Variants in CNTNAP2 observed in about 807,000 individuals in gnomAD.
The protein encoded by CNTNAP2 is contactin-associated protein-like 2.
CNTNAP2 carries 98 observed loss-of-function variants against 155.2 expected under a neutral mutation model. The observed-to-expected ratio is 0.63, with a 90% CI of 0.54 to 0.75. The LOEUF (loss-of-function observed/expected upper bound fraction) is 0.75. Ranked by LOEUF, CNTNAP2 falls within the 30% of genes least tolerant of loss-of-function variation. The pLI, the probability that CNTNAP2 is intolerant of heterozygous loss-of-function variation, is 0.00. For synonymous variants in CNTNAP2, 651 were observed against 631.2 expected (o/e 1.03, Z -0.47); for missense variants, 1,727 against 1,688.1 (o/e 1.02, Z -0.40).
chr7:147,705,061 T>C (rs1272613376), intron 13 of CNTNAP2, among the ~76,000 whole-genome samples: 1 of 152,104 alleles, frequency 6.6e-6, no homozygotes, highest in African/African-American at 2.4e-5. Context: ...CTGTTTCGTT[T>C]AGTTCTACTC....
At chr7:146,793,683 G>A (rs1021745315) in intron 2 of CNTNAP2, among the ~76,000 whole-genome samples, 6 of 152,222 alleles carry the variant, frequency 3.9e-5, no homozygotes, top group African/African-American at 1.4e-4. Flanking sequence ...GGTTCCCCCT[G>A]GGTGTCTGAA....
At chr7:148,055,550 A>G (rs1173227504) in intron 15 of CNTNAP2, among the ~76,000 whole-genome samples, 1 of 152,212 alleles carries the variant, frequency 6.6e-6, no homozygotes, top group Non-Finnish European at 1.5e-5. Flanking sequence ...TGGGACAATG[A>G]TAGCCCTTCT....
At chr7:147,386,275 C>T (rs558931415) in intron 9 of CNTNAP2, among the ~76,000 whole-genome samples, 6 of 152,286 alleles carry the variant, frequency 3.9e-5, no homozygotes, top group Admixed American at 3.9e-4. Context: ...TGATGATTAA[C>T]ATTTGGATCC....
At chr7:147,523,188 C>G (rs1307312717) in intron 11 of CNTNAP2, among the ~76,000 whole-genome samples, 1 of 152,128 alleles carries the variant, frequency 6.6e-6, no homozygotes, top group African/African-American at 2.4e-5. Flanking sequence ...ATGCTGCTGG[C>G]AAGTCTCAGC....
intron 3 of CNTNAP2, among the ~76,000 whole-genome samples, chr7:147,019,100 T>C (rs1435379726): frequency 1.3e-5 from 2 of 152,080 alleles, no homozygotes; most frequent in Non-Finnish European, 2.9e-5. Context: ...GTTGTTTTAG[T>C]AATCCCTACA....
chr7:147,781,850 C>T (rs1437090244), intron 13 of CNTNAP2, among the ~76,000 whole-genome samples: 1 of 151,936 alleles, frequency 6.6e-6, no homozygotes. Flanking sequence ...GGTGAAACCC[C>T]GTCTCTACTA....
At chr7:147,783,421 T>C (rs1394524453) in intron 13 of CNTNAP2, among the ~76,000 whole-genome samples, 1 of 152,196 alleles carries the variant, frequency 6.6e-6, no homozygotes. Flanking sequence ...CCCAAGCCTC[T>C]GGGCTGTTTG....
intron 1 of CNTNAP2, among the ~76,000 whole-genome samples, chr7:146,439,707 C>T (rs530129174): frequency 2.0e-5 from 3 of 151,544 alleles, no homozygotes; most frequent in East Asian, 1.9e-4. Context: ...TGACTCTTGT[C>T]GTAGTCACAA....
chr7:148,228,485 A>G (rs1795898645), intron 19 of CNTNAP2, among the ~76,000 whole-genome samples: 1 of 152,168 alleles, frequency 6.6e-6, no homozygotes, highest in Non-Finnish European at 1.5e-5. Context: ...CTAAAATAAA[A>G]TTTATTACTT....
At chr7:147,264,637 C>A (rs897170503) in intron 8 of CNTNAP2, among the ~76,000 whole-genome samples, 1 of 150,170 alleles carries the variant, frequency 6.7e-6, no homozygotes, top group Non-Finnish European at 1.5e-5. Context: ...AGATGCCTGA[C>A]GGGGCCAGCC....
intron 13 of CNTNAP2, among the ~76,000 whole-genome samples, chr7:147,840,558 G>T (rs1347907408): frequency 6.6e-6 from 1 of 152,154 alleles, no homozygotes; most frequent in African/African-American, 2.4e-5. Flanking sequence ...ATGCTGGGGA[G>T]TGTGGAATTT....
At chr7:146,123,018 G>A (rs1797585205) in intron 1 of CNTNAP2, among the ~76,000 whole-genome samples, 1 of 152,116 alleles carries the variant, frequency 6.6e-6, no homozygotes, top group African/African-American at 2.4e-5. Flanking sequence ...CACTTTGGAG[G>A]TAGCTATTCA....
chr7:147,398,016 A>T (rs1390704564), intron 10 of CNTNAP2, among the ~76,000 whole-genome samples: 1 of 152,124 alleles, frequency 6.6e-6, no homozygotes, highest in Admixed American at 6.6e-5. Context: ...AATGTGTGAA[A>T]CAGCAGATTC....
chr7:146,434,165 G>C (rs1796209926), intron 1 of CNTNAP2, among the ~76,000 whole-genome samples: 1 of 151,948 alleles, frequency 6.6e-6, no homozygotes, highest in South Asian at 2.1e-4. Context: ...CTTTTTTTAT[G>C]GCCAGATACC....
intron 4 of CNTNAP2, among the ~76,000 whole-genome samples, chr7:147,051,904 T>C (rs1799481249): frequency 6.6e-6 from 1 of 152,168 alleles, no homozygotes. Context: ...AGCTGTTTGT[T>C]TGAAATTTAA....
rs192777218 is a variant in CNTNAP2, at chr7:147,963,174, A to G, written c.2256-14688A>G. Among the ~76,000 whole-genome samples, 146 of 152,272 alleles carry G rather than the reference A, an allele frequency of 9.6e-4. 1 individual carries two copies. The highest frequency in any genetic ancestry group is 3.2e-3 in the Admixed American group (49 of 15,278). ...TAATTATAAAGAGTATTACATCACT[A>G]GAGTTAGATTTTTTTTTGTTGGTCA... is the stretch of plus-strand genomic sequence containing the variant. On this transcript the variant is annotated intron_variant, in intron 14 of 23. Transcript: ENST00000361727.
chr7:147,660,216 G>T (rs1206662800), intron 13 of CNTNAP2, among the ~76,000 whole-genome samples: 1 of 152,224 alleles, frequency 6.6e-6, no homozygotes, highest in Non-Finnish European at 1.5e-5. Context: ...ATTGTTCAGA[G>T]AAGACTGACT....
chr7:147,395,585 A>G (rs766337771), intron 9 of CNTNAP2, 24 bp from the exon 10 acceptor site: 51 of 1,609,968 alleles, frequency 3.2e-5, no homozygotes, highest in Admixed American at 8.4e-5. Context: ...CCAGATTTAC[A>G]TTCCCATTTC....
intron 21 of CNTNAP2, among the ~76,000 whole-genome samples, chr7:148,267,654 CA>C (rs767655781): frequency 0.017 from 1,478 of 87,082 alleles, 16 homozygotes; most frequent in African/African-American, 0.054. Flanking sequence ...GACTCTGTCT[CA>C]AAAAAAAAAA....
Sources: gnomAD v4.1 joint callset for allele counts (sites outside exome capture counted in the v4.1 genomes callset) on GRCh38, gnomAD v4.1.1 for gene constraint, MANE v1.5 for transcripts, NCBI Gene and HGNC (gene_info 2026-07-23, HGNC 2026-07-21) for gene names.